Variants in TNIP1 observed in about 807,000 individuals in gnomAD.
TNIP1 encodes the protein TNFAIP3-interacting protein 1.
In TNIP1, 22 loss-of-function variants were observed where a neutral mutation model predicts 86.6. The ratio of observed to expected loss-of-function variants is 0.25; its 90% CI spans 0.18 to 0.36. TNIP1 has a LOEUF of 0.36. TNIP1 is among the 10% of genes least tolerant of loss of function. The pLI is 1.00. For synonymous variants in TNIP1, 294 were observed against 313.0 expected (o/e 0.94, Z 0.64); for missense variants, 709 against 820.6 (o/e 0.86, Z 1.66).
At chr5:151,072,737 T>A (rs1208104731) in intron 1 of TNIP1, among the ~76,000 whole-genome samples, 2 of 152,198 alleles carry the variant, frequency 1.3e-5, no homozygotes, top group African/African-American at 4.8e-5. Context: ...GACCCAACAT[T>A]CCAGGCATGG....
intron 15 of TNIP1, 127 bp downstream of exon 15, chr5:151,034,875 G>T: frequency 2.0e-6 from 2 of 975,806 alleles, no homozygotes; most frequent in Non-Finnish European, 3.2e-6. Context: ...GGCTTTTCCT[G>T]TATTACTCAT....
At chr5:151,075,275 G>T (rs1178351768) in intron 1 of TNIP1, among the ~76,000 whole-genome samples, 1 of 152,186 alleles carries the variant, frequency 6.6e-6, no homozygotes, top group Non-Finnish European at 1.5e-5. Context: ...GCATGTAGGT[G>T]CCTGCGTGTT....
rs541617160 is a variant in TNIP1 at position 151,057,889 on chromosome 5, C to T, written c.436-932G>A. 2.6e-5 allele frequency among the ~76,000 whole-genome samples: 4 copies of T among 152,280 alleles called. No homozygotes were observed. In the South Asian group the frequency reaches 8.3e-4, roughly 32 times the overall value. The stretch of plus-strand genomic sequence containing the variant: ...GATGTGTATAGGTTATAGGGAACTA[C>T]TACGCCATTTTACATCAGGGACTTG... On this transcript the variant is annotated intron_variant, in intron 5 of 17. Coordinates refer to ENST00000521591, the MANE Select transcript of TNIP1 (RefSeq NM_006058.5).
upstream of TNIP1, among the ~76,000 whole-genome samples, chr5:151,086,021 C>CTTCTAGGT (rs1458104121): frequency 6.6e-6 from 1 of 152,180 alleles, no homozygotes; most frequent in African/African-American, 2.4e-5. Flanking sequence ...TTCCTTGCCT[C>CTTCTAGGT]TTCTAGCCAG....
intron 4 of TNIP1, 136 bp from the exon 5 acceptor site, chr5:151,060,531 C>T: frequency 1.4e-6 from 1 of 708,844 alleles, no homozygotes; most frequent in Non-Finnish European, 2.5e-6. Context: ...CATATCATCT[C>T]ACATGAGATC....
At position 151,042,888 on chromosome 5, in the gene TNIP1, C is replaced by G. The variant is rs1040910402; in HGVS notation, c.1002+8G>C. On this transcript the variant is annotated splice_region_variant and intron_variant, in intron 10 of 17. Transcript: ENST00000521591. ...GCCCTGTGGGCGTGGCCAGGAACCC[C>G]ACATTACCTTCTGCTCATACTGCTG... 1 of 1,613,614 alleles carries G rather than the reference C, an allele frequency of 6.2e-7. No homozygotes were observed. The highest frequency in any genetic ancestry group is 1.7e-5 in the Admixed American group (1 of 60,020).
chr5:151,063,651 G>A lies in TNIP1; in HGVS notation c.233C>T (p.Pro78Leu). Residue 78 changes from proline (P) to leucine (L), a missense_variant, in exon 3 of 18, where the codon CCC becomes CTC. Physicochemically the swap from Pro to Leu is moderately conservative, Grantham distance 98. Transcript: ENST00000521591. ...KDNELLPPPS[P>L]SLGSFDPLAE... ...CAGGGGGTCGAAGGAGCCCAAGGAG[G>A]GAGAAGGTGGTGGGAGCAGCTCGTT... is the stretch of plus-strand genomic sequence containing the variant. 2 of 1,614,054 alleles carry A rather than the reference G, an allele frequency of 1.2e-6. No homozygotes were observed. Among genetic ancestry groups the A allele is most frequent in the Admixed American group, 1.7e-5 (1 of 60,016 alleles).
chr5:151,084,529 C>T (rs1000828552), upstream of TNIP1, among the ~76,000 whole-genome samples: 9 of 152,206 alleles, frequency 5.9e-5, no homozygotes, highest in Non-Finnish European at 1.2e-4. Flanking sequence ...CAGAGAGCGG[C>T]AGGGACTTGC....
At chr5:151,075,978 T>C (rs1175625390) in intron 1 of TNIP1, among the ~76,000 whole-genome samples, 2 of 152,180 alleles carry the variant, frequency 1.3e-5, no homozygotes, top group Non-Finnish European at 2.9e-5. Context: ...TTGTCCACTG[T>C]GTAGGTGCTC....
intron 6 of TNIP1, among the ~76,000 whole-genome samples, chr5:151,055,724 G>A (rs1172827705): frequency 6.6e-6 from 1 of 152,290 alleles, no homozygotes; most frequent in Non-Finnish European, 1.5e-5. Flanking sequence ...TGCCATCAGC[G>A]GGGCACTTGA....
intron 11 of TNIP1, among the ~76,000 whole-genome samples, chr5:151,042,188 G>A (rs986449821): frequency 9.2e-5 from 14 of 152,060 alleles, no homozygotes; most frequent in African/African-American, 2.9e-4. Flanking sequence ...TAATCCACCC[G>A]TCTCGGCCTC....
At chr5:151,077,975 G>C (rs540061840) in intron 1 of TNIP1, among the ~76,000 whole-genome samples, 1 of 152,272 alleles carries the variant, frequency 6.6e-6, no homozygotes, top group African/African-American at 2.4e-5. Context: ...TCTGCACTTT[G>C]TCATTTTTTT....
chr5:151,080,789 A>G (rs2113853058), intron 1 of TNIP1, 91 bp downstream of exon 1: 1 of 151,862 alleles, frequency 6.6e-6, no homozygotes, highest in South Asian at 2.1e-4. Context: ...CACCTTCCCC[A>G]GCTCGCTCCC....
rs571220649 is a variant in TNIP1, at chr5:151,079,719, T to C, written c.-37+1161A>G. Among the ~76,000 whole-genome samples the C allele has an allele frequency of 3.9e-5, 6 of 152,330 alleles. No individual in the cohort carries two copies. The South Asian group carries it at 1.2e-3, about 32-fold the overall frequency. On this transcript the variant is annotated intron_variant, in intron 1 of 17. Transcript: ENST00000521591. ...TATCAGTTTTTTCACTGCCTCAGTT[T>C]CTTCTGTTGCAAAACAGAGACCACC...
At chr5:151,068,289 T>C (rs1762470682) in intron 1 of TNIP1, among the ~76,000 whole-genome samples, 1 of 152,238 alleles carries the variant, frequency 6.6e-6, no homozygotes, top group Non-Finnish European at 1.5e-5. Context: ...AGTCCCTGGA[T>C]GACCACTGGG....
At chr5:151,080,520 T>C (rs1763885535) in intron 1 of TNIP1, among the ~76,000 whole-genome samples, 1 of 140,374 alleles carries the variant, frequency 7.1e-6, no homozygotes, top group Non-Finnish European at 1.5e-5. Context: ...CTTCCACAAC[T>C]TGATACGAAA....
Position 151,035,573 on chromosome 5 carries a change from C to CA in TNIP1, c.1521+8dup. 1 of 1,614,188 alleles carries CA rather than the reference C, an allele frequency of 6.2e-7. No individual in the cohort carries two copies. Among genetic ancestry groups the CA allele is most frequent in the Non-Finnish European group, 8.5e-7 (1 of 1,180,022 alleles). On this transcript the variant is annotated intron_variant, in intron 14 of 17. Coordinates refer to ENST00000521591, the MANE Select transcript of TNIP1 (RefSeq NM_006058.5). ...GCCAGTTGCCCTTCCTGGGTCCAGT[C>CA]ACTCTTACCTGGGCATTTGACAGGG...
intron 11 of TNIP1, among the ~76,000 whole-genome samples, chr5:151,041,691 T>C (rs1313153261): frequency 6.6e-6 from 1 of 152,224 alleles, no homozygotes; most frequent in African/African-American, 2.4e-5. Flanking sequence ...TAACACACTT[T>C]TACTTTATTT....
At chr5:151,068,738 T>G (rs1445743709) in intron 1 of TNIP1, among the ~76,000 whole-genome samples, 1 of 152,198 alleles carries the variant, frequency 6.6e-6, no homozygotes, top group Non-Finnish European at 1.5e-5. Context: ...CCCTCCAGGC[T>G]GCCCACAGCC....
Sources: allele counts gnomAD v4.1 joint callset (sites outside exome capture counted in the v4.1 genomes callset), GRCh38; gene constraint gnomAD v4.1.1; transcripts MANE v1.5; gene names NCBI Gene and HGNC (gene_info 2026-07-23, HGNC 2026-07-21).